The following AKT3 variants were observed in gnomAD, a reference collection of about 807,000 sequenced individuals.
The protein encoded by AKT3 is RAC-gamma serine/threonine-protein kinase.
A neutral mutation model predicts 65.3 loss-of-function variants in AKT3; 15 were observed. That is an observed-to-expected ratio of 0.23 (90% confidence interval 0.15 to 0.35). The LOEUF is 0.35. Among genes scored for constraint, AKT3 ranks in the 10% least tolerant of loss-of-function variants. The pLI is 1.00. For missense variants in AKT3, 243 were observed against 576.5 expected (o/e 0.42, Z 5.92); for synonymous variants, 206 against 183.8 (o/e 1.12, Z -0.98).
intron 6 of AKT3, among the ~76,000 whole-genome samples, chr1:243,635,055 T>C (rs6686924): frequency 1.3e-5 from 2 of 151,994 alleles, no homozygotes; most frequent in Admixed American, 6.6e-5. Context: ...TTCTCCAGGA[T>C]AGATCATATG....
At position 243,850,055 on chromosome 1, in the gene AKT3, CGGCGGTGGCGGCCCCGCAGCTGCTCG is replaced by C. The variant is rs1179178243; in HGVS notation, c.-154_-129del. ...TGGCTGTTACCTGCAACGGCGGCGG[CGGCGGTGGCGGCCCCGCAGCTGCTCG>C]GGCGGCGGCGGAGGATGGAGCCGGG... On this transcript the variant is annotated 5_prime_UTR_variant, in exon 1 of 14. Transcript: ENST00000673466. The C allele has an allele frequency of 6.2e-6, 6 of 966,748 alleles. No individual in the cohort carries two copies. The highest frequency in any genetic ancestry group is 4.3e-5 in the African/African-American group (2 of 46,824). 59.9% of individuals were successfully genotyped at this position (966,748 alleles called of 1,614,324 possible). A position where few individuals can be genotyped will look rare whatever the true frequency, so the allele number is the denominator to read the frequency against.
At chr1:243,766,498 T>C (rs1421416655) in intron 2 of AKT3, among the ~76,000 whole-genome samples, 1 of 152,212 alleles carries the variant, frequency 6.6e-6, no homozygotes, top group African/African-American at 2.4e-5. Context: ...TAGGTAGATA[T>C]TGCAGTAATA....
chr1:243,686,651 ATTTTTTTTTTTTTTTTT>A (rs143487611), intron 3 of AKT3, among the ~76,000 whole-genome samples: 1 of 23,518 alleles, frequency 4.3e-5, no homozygotes, highest in South Asian at 2.3e-3. Flanking sequence ...ATATATATAT[ATTTTTTTTTTTTTTTTT>A]TTTTTTTTTT....
At chr1:243,600,093 G>C (rs1372302248) in intron 8 of AKT3, among the ~76,000 whole-genome samples, 2 of 151,792 alleles carry the variant, frequency 1.3e-5, no homozygotes, top group Non-Finnish European at 2.9e-5. Context: ...GTATCCCTAA[G>C]GATAAATTTT....
Position 243,783,695 on chromosome 1 carries a change from T to C in AKT3, c.46+59430A>G, listed in dbSNP as rs1007359772. Among the ~76,000 whole-genome samples, 15 of 152,244 alleles carry C rather than the reference T, an allele frequency of 9.9e-5. 1 individual carries two copies. The highest frequency in any genetic ancestry group is 3.6e-4 in the African/African-American group (15 of 41,470). On this transcript the variant is annotated intron_variant, in intron 2 of 13. Transcript: ENST00000673466. ...TTAGTGCTCACTTTATTCTTCTCTA[T>C]AGTCTTCTGACTGCTTGAATAGTCT...
chr1:243,630,670 T>A (rs188869), intron 6 of AKT3, among the ~76,000 whole-genome samples: 8,214 of 150,816 alleles, frequency 0.054, 703 homozygotes, highest in African/African-American at 0.18. Flanking sequence ...TGCTTTTTTT[T>A]AAAAAAAAAA....
chr1:243,629,603 T>A (rs1186570406), intron 6 of AKT3, among the ~76,000 whole-genome samples: 2 of 151,928 alleles, frequency 1.3e-5, no homozygotes, highest in Non-Finnish European at 2.9e-5. Flanking sequence ...CCATCCTGGC[T>A]AACATGGTGA....
intron 12 of AKT3, among the ~76,000 whole-genome samples, chr1:243,541,298 G>T (rs1672299640): frequency 6.6e-6 from 1 of 152,074 alleles, no homozygotes; most frequent in Non-Finnish European, 1.5e-5. Flanking sequence ...ACTTATTTAT[G>T]CAATATAGAC....
chr1:243,817,483 G>A (rs112229668), intron 2 of AKT3, among the ~76,000 whole-genome samples: 2,270 of 152,326 alleles, frequency 0.015, 27 homozygotes, highest in Non-Finnish European at 0.022. Flanking sequence ...GCTCACGCCT[G>A]TAATCCCAGC....
intron 2 of AKT3, among the ~76,000 whole-genome samples, chr1:243,829,594 C>T (rs982702984): frequency 6.6e-6 from 1 of 152,112 alleles, no homozygotes; most frequent in Non-Finnish European, 1.5e-5. Context: ...ATATTTAAAA[C>T]TTAACTAAGA....
chr1:243,705,986 A>G (rs1685771938), intron 2 of AKT3, among the ~76,000 whole-genome samples: 1 of 152,224 alleles, frequency 6.6e-6, no homozygotes, highest in Non-Finnish European at 1.5e-5. Flanking sequence ...AGACCAATTT[A>G]AAAATATAAT....
chr1:243,568,908 A>G (rs1674363613), intron 9 of AKT3, among the ~76,000 whole-genome samples: 1 of 152,226 alleles, frequency 6.6e-6, no homozygotes, highest in South Asian at 2.1e-4. Context: ...TAAATATTTG[A>G]AAGTTTAAAA....
At chr1:243,661,014 C>G (rs1682274344) in intron 4 of AKT3, among the ~76,000 whole-genome samples, 1 of 152,086 alleles carries the variant, frequency 6.6e-6, no homozygotes. Flanking sequence ...TGTGAAGGAC[C>G]TCTTCAAGGA....
chr1:243,778,624 G>A (rs576735261), intron 2 of AKT3, among the ~76,000 whole-genome samples: 1 of 152,240 alleles, frequency 6.6e-6, no homozygotes, highest in African/African-American at 2.4e-5. Context: ...AAGTATAAGT[G>A]TGTGCTGTGT....
rs1484819481 is a variant in AKT3, at chr1:243,500,722, C to T, written c.*4527G>A. The T allele has an allele frequency of 4.4e-6, 1 of 229,760 alleles. No homozygotes were observed. The highest frequency in any genetic ancestry group is 8.6e-6 in the Non-Finnish European group (1 of 115,968). The allele number at this position is 229,760 out of a possible 1,614,324, so 14.2% of individuals were successfully genotyped here. The stretch of plus-strand genomic sequence containing the variant: ...CACCATCTCAACACAGAGCTGATGT[C>T]ACCATATGCTCAGCCTTGCCTCTCA... On this transcript the variant is annotated 3_prime_UTR_variant, in exon 14 of 14. Transcript: ENST00000673466.
At chr1:243,623,272 C>T (rs1055202330) in intron 6 of AKT3, among the ~76,000 whole-genome samples, 1 of 152,124 alleles carries the variant, frequency 6.6e-6, no homozygotes, top group Non-Finnish European at 1.5e-5. Context: ...CAATAAAAAC[C>T]CTGGACACCA....
chr1:243,560,908 C>A (rs1184250034), intron 10 of AKT3, among the ~76,000 whole-genome samples: 2 of 151,998 alleles, frequency 1.3e-5, no homozygotes, highest in African/African-American at 4.8e-5. Flanking sequence ...TATGGCATAT[C>A]TTCTTCCATA....
intron 2 of AKT3, among the ~76,000 whole-genome samples, chr1:243,729,411 G>T (rs1035479230): frequency 3.3e-5 from 5 of 152,092 alleles, no homozygotes; most frequent in African/African-American, 1.2e-4. Flanking sequence ...GTGAAAATAA[G>T]AGCATATGCA....
chr1:243,733,909 G>C (rs537572700), intron 2 of AKT3, among the ~76,000 whole-genome samples: 1 of 152,266 alleles, frequency 6.6e-6, no homozygotes, highest in South Asian at 2.1e-4. Context: ...TGTGCAAAGT[G>C]CAATTAAACA....
Sources: gnomAD v4.1 joint callset for allele counts (sites outside exome capture counted in the v4.1 genomes callset) on GRCh38, gnomAD v4.1.1 for gene constraint, MANE v1.5 for transcripts, NCBI Gene and HGNC (gene_info 2026-07-23, HGNC 2026-07-21) for gene names.